The following EPB41L1 variants were observed in gnomAD, a reference collection of about 807,000 sequenced individuals.
The protein encoded by EPB41L1 is band 4.1-like protein 1.
A neutral mutation model predicts 97.8 loss-of-function variants in EPB41L1; 29 were observed. The ratio of observed to expected loss-of-function variants is 0.30; its 90% confidence interval spans 0.22 to 0.40. The LOEUF (loss-of-function observed/expected upper bound fraction) is 0.40, where lower values mean the gene tolerates loss of function less well. EPB41L1 is among the 10% of genes least tolerant of loss of function. The pLI is 1.00. For missense variants in EPB41L1, 812 were observed against 1,162.3 expected, an observed-to-expected ratio of 0.70 and a Z score of 4.38; for synonymous variants, 383 against 459.2, an observed-to-expected ratio of 0.83 and a Z score of 2.12.
At chr20:36,185,087 G>C in intron 6 of EPB41L1, 30 bp from the exon 7 acceptor site, 1 of 1,607,818 alleles carries the variant, frequency 6.2e-7, no homozygotes, top group Non-Finnish European at 8.5e-7. Flanking sequence ...GTAGGGCCCT[G>C]TGCCCATGCT....
At chr20:36,157,675 G>A (rs566745659) in intron 1 of EPB41L1, among the ~76,000 whole-genome samples, 2 of 152,302 alleles carry the variant, frequency 1.3e-5, no homozygotes, top group East Asian at 3.9e-4. Context: ...GTGCTGAGGG[G>A]TAGGGGTAGA....
At chr20:36,188,520 A>G (rs775972640) in intron 9 of EPB41L1, 21 bp downstream of exon 9, 128 of 1,589,138 alleles carry the variant, frequency 8.1e-5, no homozygotes, top group Non-Finnish European at 1.1e-4. Context: ...CTTGGGAAAC[A>G]CTCCTCCTCA....
rs372761608 is a variant in EPB41L1, at chr20:36,173,855, C to T, written c.78C>T (p.Ala26=). ...CCCCGCAGCAGCCCGAGGCTGCTGC[C>T]GCTGTGACCACCCCTGTGACCCCTG... The part of the protein sequence containing the change: ...EEAPQQPEAA[A]AVTTPVTPAG... Residue 26 remains alanine, a synonymous_variant, in exon 2 of 22, where the codon GCC becomes GCT. Coordinates refer to ENST00000338074, the MANE Select transcript of EPB41L1 (RefSeq NM_012156.2). 30 of 1,613,814 alleles carry T rather than the reference C, an allele frequency of 1.9e-5. No individual in the cohort carries two copies. The highest frequency in any genetic ancestry group is 2.2e-5 in the East Asian group (1 of 44,856).
chr20:36,190,847 T>C lies in EPB41L1; in HGVS notation c.1300+50T>C. The stretch of plus-strand genomic sequence containing the variant: ...GCGGGGAATGGTCTTCAGAGGGAAC[T>C]GGGGGAGTGGGCATGCTGGGTTCTG... On this transcript the variant is annotated intron_variant, in intron 11 of 21. Coordinates refer to ENST00000338074, the MANE Select transcript of EPB41L1 (RefSeq NM_012156.2). This position sits in a 1 kb window ranked among gnomAD's most constrained non-coding sequence, Gnocchi z 5.8. 32 of 1,602,690 alleles carry C rather than the reference T, an allele frequency of 2.0e-5. No individual in the cohort carries two copies. The highest frequency in any genetic ancestry group is 2.6e-5 in the Non-Finnish European group (31 of 1,177,160).
intron 1 of EPB41L1, among the ~76,000 whole-genome samples, chr20:36,100,953 C>T (rs2057994159): frequency 6.6e-6 from 1 of 152,194 alleles, no homozygotes; most frequent in South Asian, 2.1e-4. Flanking sequence ...GTAGGAGAGA[C>T]ACTGCATCGG....
chr20:36,095,550 G>A lies in EPB41L1; in HGVS notation c.-65+3938G>A, dbSNP rs757158740. Among the ~76,000 whole-genome samples, 4 of 152,228 alleles carry A rather than the reference G, an allele frequency of 2.6e-5. No homozygotes were observed. In the South Asian group the frequency reaches 6.2e-4, roughly 24 times the overall value. On this transcript the variant is annotated intron_variant, in intron 1 of 19. Transcript: ENST00000202028. ...CTAGGCAGCTAGTGGGCTAGATTTT[G>A]GGACTTTGATGACCCTTCCCTTGCT...
upstream of EPB41L1, chr20:36,154,627 A>G (rs1600634922): frequency 1.2e-6 from 1 of 862,890 alleles, no homozygotes; most frequent in African/African-American, 3.2e-5. The surrounding 1 kb of genome is among the most constrained non-coding windows in gnomAD (Gnocchi z 5.5). Context: ...CTGGGCTCCG[A>G]GGCCGGGGCG....
At chr20:36,222,616 G>A (rs370563786) in intron 21 of EPB41L1, among the ~76,000 whole-genome samples, 1 of 152,190 alleles carries the variant, frequency 6.6e-6, no homozygotes, top group African/African-American at 2.4e-5. Context: ...GTTTCTTTGG[G>A]GTTTCAGGCT....
At chr20:36,214,231 G>A (rs1028305565) in intron 16 of EPB41L1, 126 bp from the exon 17 acceptor site, 29 of 705,840 alleles carry the variant, frequency 4.1e-5, no homozygotes, top group Middle Eastern at 2.3e-4. Context: ...TCTGTGTGCA[G>A]CCCCCTGCCA....
intron 13 of EPB41L1, among the ~76,000 whole-genome samples, chr20:36,196,681 C>T (rs1243184872): frequency 6.6e-6 from 1 of 152,194 alleles, no homozygotes; most frequent in Non-Finnish European, 1.5e-5. Flanking sequence ...GGTAAGCTTA[C>T]CTTCCAGTGG....
chr20:36,222,015 A>G, intron 20 of EPB41L1, 71 bp downstream of exon 20: 1 of 1,488,130 alleles, frequency 6.7e-7, no homozygotes, highest in South Asian at 1.1e-5. Context: ...TGGGTTACCC[A>G]TGGATGGCTA....
At chr20:36,113,345 T>C (rs1412668396) in intron 2 of EPB41L1, among the ~76,000 whole-genome samples, 1 of 151,964 alleles carries the variant, frequency 6.6e-6, no homozygotes, top group African/African-American at 2.4e-5. Context: ...CATTCTGGAG[T>C]CCTCTGGTTT....
chr20:36,143,651 T>C (rs572085082), intron 2 of EPB41L1, among the ~76,000 whole-genome samples: 2 of 152,198 alleles, frequency 1.3e-5, no homozygotes, highest in African/African-American at 4.8e-5. Context: ...GGGTGATCTA[T>C]GCATGGGCTT....
chr20:36,199,088 A>C (rs2062359031), intron 14 of EPB41L1, among the ~76,000 whole-genome samples: 1 of 152,210 alleles, frequency 6.6e-6, no homozygotes, highest in Non-Finnish European at 1.5e-5. Context: ...TTTCAATCCA[A>C]AGTGTTAAAG....
chr20:36,099,228 G>A (rs1047562037), intron 1 of EPB41L1, among the ~76,000 whole-genome samples: 2 of 152,136 alleles, frequency 1.3e-5, no homozygotes, highest in African/African-American at 4.8e-5. Flanking sequence ...GTAGTGTCAT[G>A]GTCATGAGAC....
intron 1 of EPB41L1, among the ~76,000 whole-genome samples, chr20:36,160,546 C>T (rs753520287): frequency 1.9e-4 from 29 of 151,386 alleles, no homozygotes; most frequent in Admixed American, 3.3e-4. Flanking sequence ...GCCGAGATTG[C>T]GCCATTGCAC....
At position 36,218,908 on chromosome 20, in the gene EPB41L1, T is replaced by C; in HGVS notation, c.2301T>C (p.Ala767=). ...ENSLKSGKGA[A]AMIPGPQTVA... Reference sequence around the variant, plus strand: ...GTCTCAAGTCCGGGAAGGGGGCAGCTGCCATGATCCCAGGCCCACAGACGG... The same window carrying C: ...GTCTCAAGTCCGGGAAGGGGGCAGCCGCCATGATCCCAGGCCCACAGACGG... Residue 767 remains alanine (A), a synonymous_variant, in exon 18 of 22, where the codon GCT becomes GCC. Transcript: ENST00000338074. The C allele has an allele frequency of 1.9e-6, 3 of 1,614,206 alleles. No individual in the cohort carries two copies. The highest frequency in any genetic ancestry group is 2.5e-6 in the Non-Finnish European group (3 of 1,180,034).
chr20:36,148,435 G>A (rs1286909959), intron 2 of EPB41L1, among the ~76,000 whole-genome samples: 1 of 152,136 alleles, frequency 6.6e-6, no homozygotes, highest in Admixed American at 6.5e-5. Context: ...AGAGAAGAGG[G>A]CACAGCCACT....
At chr20:36,194,173 G>A (rs368237262) in intron 11 of EPB41L1, 39 bp from the exon 12 acceptor site, 9 of 1,611,960 alleles carry the variant, frequency 5.6e-6, no homozygotes. Flanking sequence ...CTCTGGGAGG[G>A]GTCTCACATG....
Sources: allele counts gnomAD v4.1 joint callset (sites outside exome capture counted in the v4.1 genomes callset), GRCh38; gene constraint gnomAD v4.1.1; non-coding constraint Gnocchi (gnomAD v3.1); transcripts MANE v1.5; gene names NCBI Gene and HGNC (gene_info 2026-07-23, HGNC 2026-07-21).